Variants in ATP2B1 observed in about 807,000 individuals in gnomAD.
ATP2B1 encodes the protein plasma membrane calcium-transporting ATPase 1.
In ATP2B1, 14 loss-of-function variants were observed where a neutral mutation model predicts 124.2. The ratio of observed to expected loss-of-function variants is 0.11; its 90% confidence interval spans 0.07 to 0.18. ATP2B1 has a LOEUF of 0.18. Among genes scored for constraint, ATP2B1 ranks in the 10% least tolerant of loss-of-function variants. ATP2B1 has a pLI of 1.00. For missense variants in ATP2B1, 763 were observed against 1,466.1 expected (o/e 0.52, Z 7.83); for synonymous variants, 449 against 492.4 (o/e 0.91, Z 1.17).
At chr12:89,617,972 C>A (rs937640413) in intron 11 of ATP2B1, among the ~76,000 whole-genome samples, 1 of 152,162 alleles carries the variant, frequency 6.6e-6, no homozygotes, top group Admixed American at 6.6e-5. Flanking sequence ...ACAGCCTCCT[C>A]AATGTGTCCA....
chr12:89,670,952 TAA>T (rs35401970), intron 1 of ATP2B1, among the ~76,000 whole-genome samples: 4 of 126,952 alleles, frequency 3.2e-5, no homozygotes, highest in African/African-American at 3.0e-5. Flanking sequence ...CCTTATACAT[TAA>T]AAAAAAAAAA....
chr12:89,655,813 C>T lies in ATP2B1; in HGVS notation c.74G>A (p.Gly25Glu). 6.2e-7 allele frequency: 1 copy of T among 1,614,148 alleles called. No individual in the cohort carries two copies. Among genetic ancestry groups the T allele is most frequent in the Non-Finnish European group, 8.5e-7 (1 of 1,179,978 alleles). ...KNSLKEANHD[G>E]DFGITLAELR... is the part of the protein sequence containing the mutation. ...CTCTGCGAGCGTAATTCCAAAGTCT[C>T]CATCATGATTAGCTTCCTTCAAAGA... is the stretch of plus-strand genomic sequence containing the variant. Residue 25 changes from glycine to glutamate, a missense_variant, in exon 2 of 21, where the codon GGA (glycine) becomes GAA (glutamate). This residue lies in a region of ATP2B1 where 93 missense variants were observed against 112.7 expected (regional missense o/e 0.83). Transcript: ENST00000428670.
At chr12:89,690,573 C>T (rs1445938319) in intron 1 of ATP2B1, among the ~76,000 whole-genome samples, 1 of 150,812 alleles carries the variant, frequency 6.6e-6, no homozygotes, top group Non-Finnish European at 1.5e-5. Context: ...AACAGTTTTG[C>T]TTTTTTTAAA....
At chr12:89,698,076 G>A (rs186659042) in intron 1 of ATP2B1, among the ~76,000 whole-genome samples, 1 of 152,032 alleles carries the variant, frequency 6.6e-6, no homozygotes, top group Non-Finnish European at 1.5e-5. Flanking sequence ...TCACCATTTT[G>A]GCCAGGCTGG....
Position 89,695,491 on chromosome 12 carries a change from A to G in ATP2B1, c.-222+13105T>C, listed in dbSNP as rs1214248761. On this transcript the variant is annotated intron_variant, in intron 1 of 20. Coordinates refer to ENST00000428670, the MANE Select transcript of ATP2B1 (RefSeq NM_001366521.1). ...AATTAAAAAAAAGAAAAAAATTCATATATGATGTCACAGAAAGAGCCTGCC... is the reference window on the plus strand; with the variant it reads ...AATTAAAAAAAAGAAAAAAATTCATGTATGATGTCACAGAAAGAGCCTGCC... Among the ~76,000 whole-genome samples, 3 of 152,242 alleles carry G rather than the reference A, an allele frequency of 2.0e-5. No individual in the cohort carries two copies. The East Asian group carries it at 5.8e-4, about 29-fold the overall frequency.
At chr12:89,639,979 G>A (rs1315181147) in intron 3 of ATP2B1, among the ~76,000 whole-genome samples, 2 of 152,196 alleles carry the variant, frequency 1.3e-5, no homozygotes, top group Non-Finnish European at 1.5e-5. Context: ...CAGCTAGACA[G>A]GTGGAAAACT....
At chr12:89,687,636 T>C (rs1428810018) in intron 1 of ATP2B1, among the ~76,000 whole-genome samples, 2 of 152,082 alleles carry the variant, frequency 1.3e-5, no homozygotes, top group African/African-American at 4.8e-5. Context: ...ACCTAGTGTC[T>C]TTCTCACTAC....
intron 18 of ATP2B1, among the ~76,000 whole-genome samples, chr12:89,602,221 C>T (rs1292233143): frequency 6.6e-6 from 1 of 152,040 alleles, no homozygotes. Context: ...TGCTTGAGCC[C>T]AGGAGTTCAA....
chr12:89,671,870 C>T (rs978296767), intron 1 of ATP2B1, among the ~76,000 whole-genome samples: 2 of 149,728 alleles, frequency 1.3e-5, no homozygotes, highest in African/African-American at 2.5e-5. Flanking sequence ...AATTAGGTAA[C>T]TGTAGAAATA....
In ATP2B1 at chr12:89,603,008, A is replaced by G. The variant is rs192254724; in HGVS notation, c.3060+35T>C. On this transcript the variant is annotated intron_variant, in intron 18 of 20. Transcript: ENST00000428670. This position sits in a 1 kb window ranked among gnomAD's most constrained non-coding sequence, Gnocchi z 4.3. ...GTTTACCTAATGTCTCCCATTTAAC[A>G]GGCAAATTTGAAACTATCTTTTCCA... The G allele has an allele frequency of 8.0e-4, 1,273 of 1,590,628 alleles. 1 individual carries two copies. The highest frequency in any genetic ancestry group is 9.7e-4 in the Non-Finnish European group (1,132 of 1,161,800).
rs1419258372 is a variant in ATP2B1, at chr12:89,708,103, C to A, written c.-222+493G>T. Among the ~76,000 whole-genome samples, 5 of 152,194 alleles carry A rather than the reference C, an allele frequency of 3.3e-5. 1 individual carries two copies. The highest frequency in any genetic ancestry group is 7.4e-5 in the Non-Finnish European group (5 of 68,008). The stretch of plus-strand genomic sequence containing the variant: ...ACCAGGGCCAGGGGCCGACCAGGGG[C>A]CCCCGCTCCCCTCCCGCAGTGCGTC... On this transcript the variant is annotated intron_variant, in intron 1 of 20. Transcript: ENST00000428670.
chr12:89,653,870 G>C (rs1386999998), intron 2 of ATP2B1, among the ~76,000 whole-genome samples: 1 of 152,190 alleles, frequency 6.6e-6, no homozygotes, highest in Non-Finnish European at 1.5e-5. Flanking sequence ...GGGGTATTCA[G>C]TTATCAGAAG....
intron 3 of ATP2B1, among the ~76,000 whole-genome samples, chr12:89,639,190 T>C (rs1416744658): frequency 6.6e-6 from 1 of 152,294 alleles, no homozygotes; most frequent in East Asian, 1.9e-4. Context: ...AAGATACATG[T>C]AGTGTACTAA....
chr12:89,707,209 G>A (rs1008147446), intron 1 of ATP2B1, among the ~76,000 whole-genome samples: 1 of 152,120 alleles, frequency 6.6e-6, no homozygotes, highest in African/African-American at 2.4e-5. Flanking sequence ...CTGGCATCGG[G>A]GCAAGTGGTG....
At chr12:89,638,005 C>T (rs1276251531) in intron 3 of ATP2B1, among the ~76,000 whole-genome samples, 1 of 151,930 alleles carries the variant, frequency 6.6e-6, no homozygotes, top group Non-Finnish European at 1.5e-5. Context: ...TTCTACTCTA[C>T]ATCATACAGA....
At chr12:89,665,397 G>GA (rs1887191278) in intron 1 of ATP2B1, among the ~76,000 whole-genome samples, 1 of 152,034 alleles carries the variant, frequency 6.6e-6, no homozygotes, top group African/African-American at 2.4e-5. Context: ...GTTTAACAGA[G>GA]AATCTTAGGT....
chr12:89,659,160 T>TTTGCTTCTC (rs1261154614), intron 1 of ATP2B1, among the ~76,000 whole-genome samples: 1 of 152,172 alleles, frequency 6.6e-6, no homozygotes, highest in Non-Finnish European at 1.5e-5. Flanking sequence ...GAACATCTAT[T>TTTGCTTCTC]TTGCTTCTCT....
At chr12:89,598,643 G>C (rs765987662) in intron 20 of ATP2B1, 1 of 1,613,982 alleles carries the variant, frequency 6.2e-7, no homozygotes, top group Non-Finnish European at 8.5e-7. Context: ...TGTAGGGGTA[G>C]AAATATTTGT....
In ATP2B1 at chr12:89,591,087, T is replaced by C; in HGVS notation, c.3560A>G (p.Asn1187Ser). 6.2e-7 allele frequency: 1 copy of C among 1,613,264 alleles called. No homozygotes were observed. The highest frequency in any genetic ancestry group is 8.5e-7 in the Non-Finnish European group (1 of 1,179,404). The stretch of plus-strand genomic sequence containing the variant: ...GTGAATTCCACTGTCAACAGCATTG[T>C]TATTTTTGTTGGGAGAGGGTGGAGG... The part of the protein sequence containing the change: ...SSPPPSPNKN[N>S]NAVDSGIHLT... Residue 1187 changes from asparagine to serine, a missense_variant, in exon 21 of 21, where the codon AAC becomes AGC. Transcript: ENST00000428670.
Sources: gnomAD v4.1 joint callset for allele counts (sites outside exome capture counted in the v4.1 genomes callset) on GRCh38, gnomAD v4.1.1 for gene constraint, gnomAD v4.1.1 regional missense constraint, Gnocchi (gnomAD v3.1) non-coding constraint, MANE v1.5 for transcripts, NCBI Gene and HGNC (gene_info 2026-07-23, HGNC 2026-07-21) for gene names.